The following SLC26A8 variants were observed in gnomAD, a reference collection of about 807,000 sequenced individuals.
The protein encoded by SLC26A8 is testis anion transporter 1.
A neutral mutation model predicts 105.0 loss-of-function variants in SLC26A8; 70 were observed. That is an observed-to-expected ratio of 0.67 (90% CI 0.55 to 0.81). The LOEUF is 0.81. Among genes scored for constraint, SLC26A8 ranks in the 40% least tolerant of loss-of-function variants. SLC26A8 has a pLI of 0.00. For missense variants in SLC26A8, 998 were observed against 1,181.8 expected (o/e 0.84, Z 2.28); for synonymous variants, 415 against 438.3 (o/e 0.95, Z 0.66).
chr6:36,011,702 G>T (rs1761861307), intron 3 of SLC26A8, among the ~76,000 whole-genome samples: 1 of 151,976 alleles, frequency 6.6e-6, no homozygotes, highest in Admixed American at 6.6e-5. Flanking sequence ...CGACCTCCTG[G>T]GCTCAGGTGA....
At position 35,997,882 on chromosome 6, in the gene SLC26A8, A is replaced by G. The variant is rs1038109114; in HGVS notation, c.483T>C (p.Val161=). ...FFLVSALLIN[V]LKVSPFNNGQ... ...CGTTGTTGAATGGGCTCACTTTCAG[A>G]ACGTTGATCAGCAGAGCACTCACCA... The change falls in exon 5 of 20, where the codon GTT becomes GTC. Residue 161 remains valine, a synonymous_variant. Coordinates refer to ENST00000490799, the MANE Select transcript of SLC26A8 (RefSeq NM_052961.4). 5.0e-6 allele frequency: 8 copies of G among 1,614,156 alleles called. No homozygotes were observed. The highest frequency in any genetic ancestry group is 5.1e-6 in the Non-Finnish European group (6 of 1,180,028).
At chr6:35,948,732 C>T (rs1402854196) in intron 19 of SLC26A8, among the ~76,000 whole-genome samples, 1 of 152,080 alleles carries the variant, frequency 6.6e-6, no homozygotes, top group Admixed American at 6.6e-5. Context: ...GGAAAGAAGG[C>T]TTATTCAATA....
intron 5 of SLC26A8, among the ~76,000 whole-genome samples, chr6:35,994,618 C>T (rs1177081183): frequency 2.0e-5 from 3 of 151,218 alleles, no homozygotes; most frequent in Non-Finnish European, 4.4e-5. Flanking sequence ...CTCTGTCACC[C>T]AGGCTGGAGT....
rs570827099 is a variant in SLC26A8 at position 36,004,322 on chromosome 6, C to T, written c.329-4214G>A. Among the ~76,000 whole-genome samples, 9 of 151,868 alleles carry T rather than the reference C, an allele frequency of 5.9e-5. No individual in the cohort carries two copies. In the South Asian group the frequency reaches 1.5e-3, roughly 25 times the overall value. ...AGCTCCTGGGCTCAAGCAGTCCACC[C>T]GCCACAACCTCCCAAAGTGCTAGGA... On this transcript the variant is annotated intron_variant, in intron 3 of 19. Transcript: ENST00000490799.
chr6:36,001,369 C>A lies in SLC26A8; in HGVS notation c.329-1261G>T, dbSNP rs1299605185. ...GGTCTCGATCTCCTGACCTCGTGAT[C>A]CACCCGCCTCGGCCTCCCAAAGTGC... On this transcript the variant is annotated intron_variant, in intron 3 of 19. Coordinates refer to ENST00000490799, the MANE Select transcript of SLC26A8 (RefSeq NM_052961.4). Among the ~76,000 whole-genome samples, 10 of 152,300 alleles carry A rather than the reference C, an allele frequency of 6.6e-5. No individual in the cohort carries two copies. The South Asian group carries it at 2.1e-3, about 32-fold the overall frequency.
chr6:35,945,407 C>T (rs893818459), intron 19 of SLC26A8, among the ~76,000 whole-genome samples: 1 of 152,234 alleles, frequency 6.6e-6, no homozygotes, highest in Admixed American at 6.5e-5. Flanking sequence ...GTCTTGCCAA[C>T]CCCCAGTGCA....
At chr6:35,956,424 T>A (rs1772062593) in intron 16 of SLC26A8, among the ~76,000 whole-genome samples, 1 of 90,222 alleles carries the variant, frequency 1.1e-5, no homozygotes, top group Non-Finnish European at 2.2e-5. Context: ...CAAGACCTTA[T>A]GTCCAAAAAA....
At position 35,982,347 on chromosome 6, in the gene SLC26A8, G is replaced by C. The variant is rs188134055; in HGVS notation, c.943-144C>G. Reference sequence around the variant, plus strand: ...TCCCTATGCATGCAAGTTGGAGAGAGAGGCATGGCTAGTTCAGCGGAGCAA... The same window carrying C: ...TCCCTATGCATGCAAGTTGGAGAGACAGGCATGGCTAGTTCAGCGGAGCAA... On this transcript the variant is annotated intron_variant, in intron 7 of 19. Transcript: ENST00000490799. 1.5e-3 allele frequency: 1,049 copies of C among 723,406 alleles called. 14 individuals are homozygous for C. The East Asian group carries it at 0.027, about 19-fold the overall frequency. The allele number at this position is 723,406 out of a possible 1,614,324, so 44.8% of individuals were successfully genotyped here.
At chr6:35,983,696 C>A (rs1190762683) in intron 7 of SLC26A8, among the ~76,000 whole-genome samples, 1 of 152,158 alleles carries the variant, frequency 6.6e-6, no homozygotes, top group East Asian at 1.9e-4. Flanking sequence ...GGATTACAGG[C>A]GTGTGCCACC....
intron 3 of SLC26A8, among the ~76,000 whole-genome samples, chr6:36,008,461 G>A (rs1761755717): frequency 6.6e-6 from 1 of 152,052 alleles, no homozygotes; most frequent in Non-Finnish European, 1.5e-5. Flanking sequence ...TAACCATTAG[G>A]GAAATGCAAA....
intron 10 of SLC26A8, among the ~76,000 whole-genome samples, chr6:35,971,230 G>A (rs944134709): frequency 1.3e-5 from 2 of 152,198 alleles, no homozygotes; most frequent in Admixed American, 6.5e-5. Flanking sequence ...GAAGATGCTC[G>A]ATGGCTCTCA....
At chr6:35,972,401 A>AG (rs1423866954) in intron 10 of SLC26A8, among the ~76,000 whole-genome samples, 79 of 152,068 alleles carry the variant, frequency 5.2e-4, no homozygotes, top group African/African-American at 1.9e-3. Context: ...CTGAAAAAAA[A>AG]AAAAAAATCA....
chr6:35,966,144 C>T (rs1015446755), intron 11 of SLC26A8, among the ~76,000 whole-genome samples: 13 of 152,166 alleles, frequency 8.5e-5, no homozygotes, highest in Admixed American at 7.9e-4. Flanking sequence ...TGGCTGAGTC[C>T]ACGCTTACTC....
intron 2 of SLC26A8, among the ~76,000 whole-genome samples, chr6:36,017,781 T>G (rs182403715): frequency 6.6e-6 from 1 of 152,230 alleles, no homozygotes; most frequent in Non-Finnish European, 1.5e-5. Context: ...TGATAGAAAT[T>G]TAATATCCAG....
chr6:35,944,029 G>A lies in SLC26A8; in HGVS notation c.2784C>T (p.Tyr928=), dbSNP rs1771574450. Residue 928 remains tyrosine (Y), a synonymous_variant, in exon 20 of 20, where the codon TAC becomes TAT. Transcript: ENST00000490799. ...PRAHTFPQQR[Y]WPMYHPSMAS... ...CCATAGACGGATGATACATAGGCCAGTAACGCTGCTGAGGAAAAGTGTGAG... is the reference window on the plus strand; with the variant it reads ...CCATAGACGGATGATACATAGGCCAATAACGCTGCTGAGGAAAAGTGTGAG... The A allele has an allele frequency of 6.2e-7, 1 of 1,614,032 alleles. No homozygotes were observed. Among genetic ancestry groups the A allele is most frequent in the African/African-American group, 1.3e-5 (1 of 74,912 alleles).
intron 19 of SLC26A8, among the ~76,000 whole-genome samples, chr6:35,946,409 G>A (rs150157303): frequency 3.9e-5 from 6 of 152,100 alleles, no homozygotes; most frequent in East Asian, 1.9e-4. Flanking sequence ...ACTAATTTTC[G>A]TATTTTTAGT....
rs1334081679 is a variant in SLC26A8 at position 35,970,335 on chromosome 6, T to G, written c.1288-1381A>C. On this transcript the variant is annotated intron_variant, in intron 10 of 19. Coordinates refer to ENST00000490799, the MANE Select transcript of SLC26A8 (RefSeq NM_052961.4). ...GAAAATAATAGCAATGCAATCAACG[T>G]CCTGCTTCTTTCTTTCCCCATCCCA... Among the ~76,000 whole-genome samples, 4 of 152,344 alleles carry G rather than the reference T, an allele frequency of 2.6e-5. No homozygotes were observed. In the East Asian group the frequency reaches 7.7e-4, roughly 29 times the overall value.
intron 19 of SLC26A8, among the ~76,000 whole-genome samples, chr6:35,945,055 G>A (rs999514506): frequency 1.3e-5 from 2 of 152,126 alleles, no homozygotes; most frequent in Non-Finnish European, 2.9e-5. Context: ...TCACCATGTT[G>A]GCCAGGCTGG....
At chr6:35,961,383 G>C (rs541914730) in intron 12 of SLC26A8, among the ~76,000 whole-genome samples, 2 of 152,262 alleles carry the variant, frequency 1.3e-5, no homozygotes, top group African/African-American at 4.8e-5. Context: ...TATAGGCTTT[G>C]TTGAGATTAG....
Sources: gnomAD v4.1 joint callset for allele counts (sites outside exome capture counted in the v4.1 genomes callset) on GRCh38, gnomAD v4.1.1 for gene constraint, MANE v1.5 for transcripts, NCBI Gene and HGNC (gene_info 2026-07-23, HGNC 2026-07-21) for gene names.